The following TTC29 variants were observed in gnomAD, a reference collection of about 807,000 sequenced individuals.
TTC29 encodes tetratricopeptide repeat domain 29, also known as tetratricopeptide repeat protein 29.
In TTC29, 49 loss-of-function variants were observed where a neutral mutation model predicts 58.1. The observed-to-expected ratio is 0.84, with a 90% confidence interval of 0.67 to 1.07. The LOEUF (loss-of-function observed/expected upper bound fraction) is 1.07, where lower values mean the gene tolerates loss of function less well. TTC29 is among the 50% of genes least tolerant of loss of function. The pLI is 0.00. For synonymous variants in TTC29, 209 were observed against 196.8 expected (o/e 1.06, Z -0.52); for missense variants, 582 against 555.6 (o/e 1.05, Z -0.48).
chr4:146,710,240 C>T (rs750721997), intron 11 of TTC29, among the ~76,000 whole-genome samples: 2 of 152,012 alleles, frequency 1.3e-5, no homozygotes, highest in East Asian at 1.9e-4. Context: ...TATACTATAG[C>T]GTATTACTTC....
intron 8 of TTC29, among the ~76,000 whole-genome samples, chr4:146,840,548 C>T (rs1728790992): frequency 6.6e-6 from 1 of 152,094 alleles, no homozygotes; most frequent in East Asian, 1.9e-4. Flanking sequence ...AGTCCAAAAA[C>T]ATTAATCCAT....
chr4:146,807,814 A>G (rs1488675716), intron 10 of TTC29, among the ~76,000 whole-genome samples: 1 of 152,182 alleles, frequency 6.6e-6, no homozygotes, highest in Non-Finnish European at 1.5e-5. Flanking sequence ...AGAGGTACAA[A>G]GAGGAGCTGG....
intron 4 of TTC29, among the ~76,000 whole-genome samples, chr4:146,928,435 T>C (rs1735083761): frequency 6.6e-6 from 1 of 152,202 alleles, no homozygotes; most frequent in South Asian, 2.1e-4. Flanking sequence ...ATATTAGTCA[T>C]TACTATTATT....
At chr4:146,919,327 C>A (rs1320263635) in intron 4 of TTC29, among the ~76,000 whole-genome samples, 3 of 150,866 alleles carry the variant, frequency 2.0e-5, no homozygotes, top group Non-Finnish European at 4.5e-5. Flanking sequence ...GAAAAATAAA[C>A]CCTGGAAATA....
chr4:146,882,716 G>T (rs1355634436), intron 6 of TTC29, among the ~76,000 whole-genome samples: 1 of 152,088 alleles, frequency 6.6e-6, no homozygotes, highest in Non-Finnish European at 1.5e-5. Context: ...AAGCATCTAT[G>T]CCGAAGTATC....
intron 6 of TTC29, among the ~76,000 whole-genome samples, chr4:146,876,528 T>G (rs1579888446): frequency 1.3e-5 from 2 of 152,208 alleles, no homozygotes; most frequent in Non-Finnish European, 2.9e-5. Context: ...TCCTATTTGT[T>G]GCATTGAATT....
chr4:146,867,701 A>G, intron 7 of TTC29, 118 bp from the exon 8 acceptor site: 1 of 504,888 alleles, frequency 2.0e-6, no homozygotes, highest in Non-Finnish European at 3.5e-6. Context: ...AGTTTTATCA[A>G]TAATCCCCAA....
At chr4:146,854,365 ATT>A (rs1203190955) in intron 8 of TTC29, among the ~76,000 whole-genome samples, 2 of 152,206 alleles carry the variant, frequency 1.3e-5, no homozygotes, top group Admixed American at 1.3e-4. Context: ...AAAAATGTGT[ATT>A]TGAGCAAGAA....
intron 8 of TTC29, among the ~76,000 whole-genome samples, chr4:146,859,039 A>G (rs561439852): frequency 3.5e-4 from 54 of 152,294 alleles, no homozygotes; most frequent in South Asian, 2.3e-3. Context: ...GAGCACCTAT[A>G]TGCATTCCAG....
intron 11 of TTC29, among the ~76,000 whole-genome samples, chr4:146,783,133 T>C (rs944889345): frequency 1.9e-4 from 29 of 152,216 alleles, no homozygotes; most frequent in African/African-American, 5.0e-4. Flanking sequence ...TATATATTTA[T>C]GGTGTACAAC....
chr4:146,815,330 G>A (rs955277646), intron 10 of TTC29, among the ~76,000 whole-genome samples: 1 of 152,146 alleles, frequency 6.6e-6, no homozygotes, highest in African/African-American at 2.4e-5. Context: ...TGAATATGGA[G>A]CCGGGGGAGA....
intron 6 of TTC29, among the ~76,000 whole-genome samples, chr4:146,900,607 A>G (rs2150266153): frequency 6.6e-6 from 1 of 152,342 alleles, no homozygotes; most frequent in East Asian, 1.9e-4. Context: ...GAATGGGTGC[A>G]TAGATGAATG....
At chr4:146,764,817 A>G (rs1747169724) in intron 11 of TTC29, among the ~76,000 whole-genome samples, 2 of 152,078 alleles carry the variant, frequency 1.3e-5, no homozygotes, top group South Asian at 4.1e-4. Context: ...TTCAGTTCAA[A>G]CAGGATGATC....
chr4:146,858,270 A>C (rs1428213944), intron 8 of TTC29, among the ~76,000 whole-genome samples: 1 of 152,196 alleles, frequency 6.6e-6, no homozygotes, highest in Non-Finnish European at 1.5e-5. Flanking sequence ...TGCATGGCAG[A>C]CAGGACTGAA....
chr4:146,786,273 C>T (rs980677289), intron 11 of TTC29, among the ~76,000 whole-genome samples: 7 of 152,148 alleles, frequency 4.6e-5, no homozygotes, highest in East Asian at 3.8e-4. Flanking sequence ...CACAAGTGAC[C>T]GTTTGTTCTC....
Position 146,798,585 on chromosome 4 carries a change from T to C in TTC29, c.1330+4872A>G, listed in dbSNP as rs540983991. ...GCTCATGAACATCTAGATTGTACTCTTAAAGACTACAAAATACTGGCCGGG... is the reference window on the plus strand; with the variant it reads ...GCTCATGAACATCTAGATTGTACTCCTAAAGACTACAAAATACTGGCCGGG... On this transcript the variant is annotated intron_variant, in intron 11 of 12. Transcript: ENST00000325106. Among the ~76,000 whole-genome samples the C allele has an allele frequency of 2.0e-5, 3 of 152,126 alleles. No homozygotes were observed. In the East Asian group the frequency reaches 5.8e-4, roughly 29 times the overall value.
intron 8 of TTC29, among the ~76,000 whole-genome samples, chr4:146,858,898 C>G (rs1441717542): frequency 6.6e-6 from 1 of 152,092 alleles, no homozygotes; most frequent in Non-Finnish European, 1.5e-5. Context: ...TGTTGTTGTC[C>G]TCTCACTCCA....
intron 8 of TTC29, among the ~76,000 whole-genome samples, chr4:146,852,080 G>A (rs1729550549): frequency 1.3e-5 from 2 of 152,038 alleles, no homozygotes; most frequent in Non-Finnish European, 2.9e-5. Flanking sequence ...GGACTACAGG[G>A]GTAAGCCACC....
chr4:146,817,245 A>C (rs1001844796), intron 10 of TTC29, among the ~76,000 whole-genome samples: 1 of 152,248 alleles, frequency 6.6e-6, no homozygotes, highest in African/African-American at 2.4e-5. Flanking sequence ...CTCAGGGTAC[A>C]AAATCAATGT....
Sources: gnomAD v4.1 joint callset for allele counts (sites outside exome capture counted in the v4.1 genomes callset) on GRCh38, gnomAD v4.1.1 for gene constraint, MANE v1.5 for transcripts, NCBI Gene and HGNC (gene_info 2026-07-23, HGNC 2026-07-21) for gene names.